The following ADCYAP1R1 variants were observed in gnomAD, a reference collection of about 807,000 sequenced individuals.
ADCYAP1R1 encodes the protein pituitary adenylate cyclase-activating polypeptide type I receptor.
A neutral mutation model predicts 67.6 loss-of-function variants in ADCYAP1R1; 44 were observed. The observed-to-expected ratio is 0.65, with a 90% CI of 0.51 to 0.84. ADCYAP1R1 has a LOEUF of 0.84. Ranked by LOEUF, ADCYAP1R1 falls within the 40% of genes least tolerant of loss-of-function variation. ADCYAP1R1 has a pLI of 0.00. For missense variants in ADCYAP1R1, 477 were observed against 587.9 expected, an observed-to-expected ratio of 0.81 and a Z score of 1.95; for synonymous variants, 222 against 219.6, an observed-to-expected ratio of 1.01 and a Z score of -0.10.
rs1027094972 is a variant in ADCYAP1R1 at position 31,057,444 on chromosome 7, C to T, written c.-72+4766C>T. Among the ~76,000 whole-genome samples, 9 of 152,238 alleles carry T rather than the reference C, an allele frequency of 5.9e-5. No homozygotes were observed. The South Asian group carries it at 1.0e-3, about 17-fold the overall frequency. ...CAGTGAGATGGGATGATACTGCCAA[C>T]GGGCACAGGTGCCCCAGCCTGGCCC... On this transcript the variant is annotated intron_variant, in intron 1 of 15. Coordinates refer to ENST00000304166, the MANE Select transcript of ADCYAP1R1 (RefSeq NM_001118.5).
chr7:31,087,478 C>T lies in ADCYAP1R1; in HGVS notation c.885-149C>T, dbSNP rs571841942. On this transcript the variant is annotated intron_variant, in intron 11 of 15. Transcript: ENST00000304166. ...CAGGACCAGGCTGGAGTCTGTAGCCCGCTGGAGAGCTCTTGTTCCAGCCAG... is the reference window on the plus strand; with the variant it reads ...CAGGACCAGGCTGGAGTCTGTAGCCTGCTGGAGAGCTCTTGTTCCAGCCAG... 59 of 697,372 alleles carry T rather than the reference C, an allele frequency of 8.5e-5. 1 individual carries two copies. Among genetic ancestry groups the T allele is most frequent in the Admixed American group, 8.2e-4 (33 of 40,148 alleles). The allele number at this position is 697,372 out of a possible 1,614,324, so 43.2% of individuals were successfully genotyped here.
intron 9 of ADCYAP1R1, 35 bp downstream of exon 9, chr7:31,085,477 C>G: frequency 6.2e-7 from 1 of 1,600,540 alleles, no homozygotes; most frequent in Non-Finnish European, 8.5e-7. Flanking sequence ...AGGGCTCTGC[C>G]GGGAAGGTCC....
intron 13 of ADCYAP1R1, chr7:31,095,681 C>T (rs141537736): frequency 5.4e-5 from 39 of 717,984 alleles, no homozygotes; most frequent in East Asian, 2.1e-4. Flanking sequence ...AATTTAAGCC[C>T]GCGAGTCCCC....
intron 1 of ADCYAP1R1, among the ~76,000 whole-genome samples, chr7:31,060,119 C>T (rs1468460299): frequency 4.3e-5 from 6 of 138,058 alleles, no homozygotes; most frequent in Non-Finnish European, 7.9e-5. Context: ...GGGGGTGGGT[C>T]GGGGCTGGGG....
At chr7:31,080,487 C>T in intron 4 of ADCYAP1R1, 126 bp from the exon 5 acceptor site, 1 of 968,810 alleles carries the variant, frequency 1.0e-6, no homozygotes, top group Non-Finnish European at 1.6e-6. Context: ...CAGAGCCCCT[C>T]TTTAATGTTT....
rs1156628399 is a variant in ADCYAP1R1, at chr7:31,086,540, A to G, written c.823+3A>G. ...CTGGTACACCATCATTGGCTGGGGTAGGTTCCTGGCTGTGGCTTGGACAGG... is the reference window on the plus strand; with the variant it reads ...CTGGTACACCATCATTGGCTGGGGTGGGTTCCTGGCTGTGGCTTGGACAGG... On this transcript the variant is annotated splice_donor_region_variant and intron_variant, in intron 10 of 15. Coordinates refer to ENST00000304166, the MANE Select transcript of ADCYAP1R1 (RefSeq NM_001118.5). This position sits in a 1 kb window ranked among gnomAD's most constrained non-coding sequence, Gnocchi z 5.0. The G allele has an allele frequency of 6.2e-7, 1 of 1,614,218 alleles. No individual in the cohort carries two copies. The highest frequency in any genetic ancestry group is 8.5e-7 in the Non-Finnish European group (1 of 1,180,036).
At chr7:31,068,135 G>A (rs1794821078) in intron 3 of ADCYAP1R1, among the ~76,000 whole-genome samples, 1 of 152,122 alleles carries the variant, frequency 6.6e-6, no homozygotes, top group Non-Finnish European at 1.5e-5. Flanking sequence ...AGGTGGGTGG[G>A]CACCGTAACA....
At position 31,057,272 on chromosome 7, in the gene ADCYAP1R1, CA is replaced by C. The variant is rs1159461573; in HGVS notation, c.-72+4595del. 7.2e-5 allele frequency among the ~76,000 whole-genome samples: 11 copies of C among 152,336 alleles called. No homozygotes were observed. The East Asian group carries it at 1.3e-3, about 19-fold the overall frequency. On this transcript the variant is annotated intron_variant, in intron 1 of 15. Transcript: ENST00000304166. ...TTCCTCCCCCTCCTCTTACCTGGCC[CA>C]GGGGGTGCACTCCCTGACTCCTCCA...
At chr7:31,081,932 G>A (rs1170935586) in intron 6 of ADCYAP1R1, among the ~76,000 whole-genome samples, 178 bp downstream of exon 6, 1 of 152,198 alleles carries the variant, frequency 6.6e-6, no homozygotes, top group East Asian at 1.9e-4. Flanking sequence ...AAAGCACACA[G>A]ATAGAACATC....
At chr7:31,058,327 G>A (rs1794345714) in intron 1 of ADCYAP1R1, among the ~76,000 whole-genome samples, 1 of 152,192 alleles carries the variant, frequency 6.6e-6, no homozygotes, top group Non-Finnish European at 1.5e-5. Context: ...GCCTGATGAT[G>A]CTATCCTGTG....
chr7:31,070,505 T>C (rs552383692), intron 3 of ADCYAP1R1, among the ~76,000 whole-genome samples: 56 of 152,124 alleles, frequency 3.7e-4, no homozygotes, highest in Non-Finnish European at 7.2e-4. Flanking sequence ...CTACGTTCAA[T>C]AGAGGGGAGA....
chr7:31,080,775 C>A, intron 5 of ADCYAP1R1, 142 bp downstream of exon 5: 1 of 826,984 alleles, frequency 1.2e-6, no homozygotes, highest in East Asian at 2.6e-5. Context: ...GTTCTTTCCT[C>A]CTTCCTTCCT....
At chr7:31,070,913 G>A (rs1408528568) in intron 3 of ADCYAP1R1, among the ~76,000 whole-genome samples, 2 of 152,208 alleles carry the variant, frequency 1.3e-5, no homozygotes, top group South Asian at 2.1e-4. Flanking sequence ...CCAAAGGCGA[G>A]GGCGGCATCT....
Position 31,064,876 on chromosome 7 carries a change from A to T in ADCYAP1R1, c.97A>T (p.Met33Leu), listed in dbSNP as rs2128617740. The T allele has an allele frequency of 6.2e-7, 1 of 1,613,022 alleles. No homozygotes were observed. The highest frequency in any genetic ancestry group is 8.5e-7 in the Non-Finnish European group (1 of 1,179,564). Residue 33 changes from methionine to leucine, a missense_variant, in exon 3 of 16, where the codon ATG becomes TTG. Transcript: ENST00000304166. ...SDCIFKKEQA[M>L]CLEKIQRANE... is the part of the protein sequence containing the mutation. ...CTGCATCTTCAAGAAGGAGCAAGCC[A>T]TGTGCCTGGAGAAGATCCAGAGGGC...
chr7:31,077,289 ACATT>A (rs1795277286), intron 3 of ADCYAP1R1, among the ~76,000 whole-genome samples: 1 of 149,348 alleles, frequency 6.7e-6, no homozygotes, highest in Non-Finnish European at 1.5e-5. Context: ...GCATGTGTGC[ACATT>A]CATGTGTGAT....
At chr7:31,079,131 G>C (rs1795406173) in intron 4 of ADCYAP1R1, among the ~76,000 whole-genome samples, 2 of 152,332 alleles carry the variant, frequency 1.3e-5, no homozygotes, top group East Asian at 3.9e-4. Context: ...CCATTGCAGG[G>C]GGTGTCTGAG....
intron 13 of ADCYAP1R1, among the ~76,000 whole-genome samples, chr7:31,101,598 C>T (rs770669133): frequency 6.6e-6 from 1 of 152,358 alleles, no homozygotes; most frequent in Middle Eastern, 3.4e-3. Flanking sequence ...ATTCCTTCTG[C>T]AAGCACCCTC....
intron 3 of ADCYAP1R1, among the ~76,000 whole-genome samples, chr7:31,067,434 G>T (rs1794782218): frequency 6.7e-6 from 1 of 150,358 alleles, no homozygotes; most frequent in African/African-American, 2.4e-5. Context: ...GAGTGGGGTG[G>T]ATCATGTTAA....
At chr7:31,076,184 C>T (rs987925995) in intron 3 of ADCYAP1R1, among the ~76,000 whole-genome samples, 9 of 152,284 alleles carry the variant, frequency 5.9e-5, no homozygotes, top group Non-Finnish European at 7.4e-5. Context: ...GCAGGGTGGG[C>T]GGCCAAAGGC....
Sources: allele counts gnomAD v4.1 joint callset (sites outside exome capture counted in the v4.1 genomes callset), GRCh38; gene constraint gnomAD v4.1.1; non-coding constraint Gnocchi (gnomAD v3.1); transcripts MANE v1.5; gene names NCBI Gene and HGNC (gene_info 2026-07-23, HGNC 2026-07-21).